The following VAT1L variants were observed in gnomAD, a reference collection of about 807,000 sequenced individuals.
VAT1L encodes putative NADPH-dependent quinone oxidoreductase VAT1L.
VAT1L carries 34 observed loss-of-function variants against 44.1 expected under a neutral mutation model. That is an observed-to-expected ratio of 0.77 (90% CI 0.59 to 1.03). VAT1L has a LOEUF of 1.03. Ranked by LOEUF, VAT1L falls within the 50% of genes least tolerant of loss-of-function variation. VAT1L has a pLI of 0.00. For synonymous variants in VAT1L, 253 were observed against 202.2 expected (o/e 1.25, Z -2.13); for missense variants, 615 against 538.8 (o/e 1.14, Z -1.40).
At chr16:77,898,479 C>G (rs1357450687) in intron 7 of VAT1L, among the ~76,000 whole-genome samples, 3 of 152,196 alleles carry the variant, frequency 2.0e-5, no homozygotes, top group Non-Finnish European at 2.9e-5. Flanking sequence ...CTCCCCTCCT[C>G]CAGTTATAGC....
Position 77,892,513 on chromosome 16 carries a change from G to C in VAT1L, c.1077+7711G>C, listed in dbSNP as rs576656939. 26 of 560,936 alleles carry C rather than the reference G, an allele frequency of 4.6e-5. No individual in the cohort carries two copies. The East Asian group carries it at 1.2e-3, about 27-fold the overall frequency. The allele number at this position is 560,936 out of a possible 1,614,324, so 34.7% of individuals were successfully genotyped here. A position where few individuals can be genotyped will look rare whatever the true frequency, so the allele number is the denominator to read the frequency against. The stretch of plus-strand genomic sequence containing the variant: ...AGCTGTTTGCAGACAAGTTTCCAAA[G>C]ACAGCAGAAAAATTTCGTGCTCTAA... On this transcript the variant is annotated intron_variant, in intron 7 of 8. Transcript: ENST00000302536.
At chr16:77,975,600 C>T (rs537232329) in intron 8 of VAT1L, among the ~76,000 whole-genome samples, 1 of 152,290 alleles carries the variant, frequency 6.6e-6, no homozygotes, top group South Asian at 2.1e-4. Context: ...AGTCTGGGCT[C>T]TAAGGCGTGT....
chr16:77,909,771 G>T (rs1212061537), intron 7 of VAT1L, among the ~76,000 whole-genome samples: 1 of 152,088 alleles, frequency 6.6e-6, no homozygotes, highest in African/African-American at 2.4e-5. Flanking sequence ...AGAGGTTTAG[G>T]AGCTTGTCCA....
chr16:77,867,205 T>C (rs1029882885), intron 4 of VAT1L, among the ~76,000 whole-genome samples: 2 of 152,130 alleles, frequency 1.3e-5, no homozygotes, highest in African/African-American at 4.8e-5. Flanking sequence ...AAAACTCCTC[T>C]TGGTTTACAA....
chr16:77,904,209 G>T (rs1205723386), intron 7 of VAT1L, among the ~76,000 whole-genome samples: 2 of 148,332 alleles, frequency 1.3e-5, no homozygotes, highest in African/African-American at 2.5e-5. Context: ...TTCCATTAAA[G>T]GCACCATTGG....
rs12185182 is a variant in VAT1L at position 77,968,112 on chromosome 16, C to T, written c.1078-3738C>T. The stretch of plus-strand genomic sequence containing the variant: ...TATCTATTATTGCATTTAACTCCCC[C>T]ACCCCCAACAAACTTAGAGGCACTT... On this transcript the variant is annotated intron_variant, in intron 7 of 8. Transcript: ENST00000302536. Among the ~76,000 whole-genome samples, 389 of 152,230 alleles carry T rather than the reference C, an allele frequency of 2.6e-3. 1 individual carries two copies. Among genetic ancestry groups the T allele is most frequent in the Non-Finnish European group, 4.1e-3 (280 of 68,014 alleles).
At chr16:77,860,890 G>C (rs1410664250) in intron 3 of VAT1L, among the ~76,000 whole-genome samples, 1 of 152,182 alleles carries the variant, frequency 6.6e-6, no homozygotes, top group Non-Finnish European at 1.5e-5. Flanking sequence ...TTTAAAGCCT[G>C]CTTTGCTTAA....
chr16:77,977,797 C>CTACAT lies in VAT1L; in HGVS notation c.*102_*103insTACAT. 1 of 1,156,910 alleles carries CTACAT rather than the reference C, an allele frequency of 8.6e-7. No individual in the cohort carries two copies. The highest frequency in any genetic ancestry group is 1.4e-5 in the South Asian group (1 of 69,310). The allele number at this position is 1,156,910 out of a possible 1,614,324, so 71.7% of individuals were successfully genotyped here. Reference sequence around the variant, plus strand: ...AGTGAACAAATGCTGTAGTCCAGTGCGTGTCGTGTTTGTCTGCAGTCAGCT... The same window carrying CTACAT: ...AGTGAACAAATGCTGTAGTCCAGTGCTACATGTGTCGTGTTTGTCTGCAGTCAGCT... On this transcript the variant is annotated 3_prime_UTR_variant, in exon 9 of 9. Transcript: ENST00000302536.
intron 7 of VAT1L, among the ~76,000 whole-genome samples, chr16:77,907,412 T>C (rs779889084): frequency 9.2e-5 from 14 of 152,242 alleles, no homozygotes; most frequent in Non-Finnish European, 1.9e-4. Flanking sequence ...TCTCAGAACA[T>C]TGAGAATTTT....
intron 3 of VAT1L, among the ~76,000 whole-genome samples, chr16:77,830,802 G>A (rs940562766): frequency 2.0e-5 from 3 of 152,178 alleles, no homozygotes; most frequent in Admixed American, 6.5e-5. Flanking sequence ...TCACGCCTCA[G>A]CCTCCTGAGT....
intron 7 of VAT1L, among the ~76,000 whole-genome samples, chr16:77,954,827 A>G (rs539593354): frequency 2.0e-5 from 3 of 152,198 alleles, no homozygotes; most frequent in African/African-American, 7.2e-5. Context: ...CCAGGAGTAG[A>G]CTACCTGTCC....
chr16:77,795,449 C>G (rs1436667419), intron 1 of VAT1L, among the ~76,000 whole-genome samples: 1 of 152,118 alleles, frequency 6.6e-6, no homozygotes, highest in Non-Finnish European at 1.5e-5. Context: ...CCATTTAGAA[C>G]ATTTTAATTT....
chr16:77,970,244 T>C (rs2018264987), intron 7 of VAT1L, among the ~76,000 whole-genome samples: 2 of 152,088 alleles, frequency 1.3e-5, no homozygotes, highest in South Asian at 2.1e-4. Flanking sequence ...CCCCCAAAAA[T>C]GTGTTGATTC....
At chr16:77,975,396 G>C (rs1185483433) in intron 8 of VAT1L, among the ~76,000 whole-genome samples, 1 of 151,770 alleles carries the variant, frequency 6.6e-6, no homozygotes, top group Non-Finnish European at 1.5e-5. Context: ...ATTTTTAGTA[G>C]AGATGGGGTT....
intron 7 of VAT1L, among the ~76,000 whole-genome samples, chr16:77,896,666 C>G (rs2017328217): frequency 6.6e-6 from 1 of 152,192 alleles, no homozygotes; most frequent in Admixed American, 6.5e-5. Context: ...GCATTTTCAT[C>G]AGCCTGGTGC....
chr16:77,869,575 A>C (rs2017009238), intron 4 of VAT1L, among the ~76,000 whole-genome samples: 2 of 152,184 alleles, frequency 1.3e-5, no homozygotes. Flanking sequence ...AGGCTGAGAC[A>C]GGAGGATCTC....
At chr16:77,963,185 T>A (rs2018182212) in intron 7 of VAT1L, among the ~76,000 whole-genome samples, 1 of 152,110 alleles carries the variant, frequency 6.6e-6, no homozygotes, top group Non-Finnish European at 1.5e-5. Context: ...GCCCACATCC[T>A]CATCCCCAGA....
At chr16:77,813,316 A>C (rs1287312685) in intron 1 of VAT1L, among the ~76,000 whole-genome samples, 1 of 152,214 alleles carries the variant, frequency 6.6e-6, no homozygotes, top group African/African-American at 2.4e-5. Context: ...AAAAAAGTAG[A>C]GTCAACAATG....
intron 1 of VAT1L, among the ~76,000 whole-genome samples, chr16:77,802,485 G>T (rs1376377854): frequency 2.6e-5 from 4 of 152,022 alleles, no homozygotes; most frequent in African/African-American, 9.7e-5. Flanking sequence ...TGTGGTGGCA[G>T]GCGCCTGTAA....
Sources: allele counts gnomAD v4.1 joint callset (sites outside exome capture counted in the v4.1 genomes callset), GRCh38; gene constraint gnomAD v4.1.1; transcripts MANE v1.5; gene names NCBI Gene and HGNC (gene_info 2026-07-23, HGNC 2026-07-21).